The following HACD2 variants were observed in gnomAD, a reference collection of about 807,000 sequenced individuals.
The protein encoded by HACD2 is very-long-chain (3R)-3-hydroxyacyl-CoA dehydratase 2.
In HACD2, 15 loss-of-function variants were observed where a neutral mutation model predicts 31.0. That is an observed-to-expected ratio of 0.48 (90% CI 0.32 to 0.75). The LOEUF (loss-of-function observed/expected upper bound fraction) is 0.75, where lower values mean the gene tolerates loss of function less well. HACD2 is among the 30% of genes least tolerant of loss of function. The probability of loss-of-function intolerance (pLI) is 0.03; values close to 1 mark genes in which losing one functional copy is unlikely to be tolerated. For synonymous variants in HACD2, 115 were observed against 122.2 expected, an observed-to-expected ratio of 0.94 and a Z score of 0.39; for missense variants, 283 against 313.0, an observed-to-expected ratio of 0.90 and a Z score of 0.72.
At chr3:123,509,706 A>C (rs180852392) in intron 4 of HACD2, among the ~76,000 whole-genome samples, 2 of 151,918 alleles carry the variant, frequency 1.3e-5, no homozygotes, top group Non-Finnish European at 2.9e-5. Context: ...TCACCGTGTT[A>C]GCCAGGATGG....
chr3:123,499,626 C>G, intron 6 of HACD2: 1 of 456,424 alleles, frequency 2.2e-6, no homozygotes, highest in African/African-American at 2.0e-5. Flanking sequence ...GAAGTCCAAC[C>G]CTGTCTGATT....
intron 4 of HACD2, among the ~76,000 whole-genome samples, chr3:123,526,664 G>A (rs950936116): frequency 6.6e-6 from 1 of 152,112 alleles, no homozygotes; most frequent in African/African-American, 2.4e-5. Context: ...AAGCTCAAAT[G>A]TGATAATGTA....
At chr3:123,555,844 A>G (rs779834630) in intron 3 of HACD2, among the ~76,000 whole-genome samples, 1 of 152,214 alleles carries the variant, frequency 6.6e-6, no homozygotes, top group Non-Finnish European at 1.5e-5. Flanking sequence ...TAATCCTGGT[A>G]TTGGCAAAAT....
At position 123,528,379 on chromosome 3, in the gene HACD2, C is replaced by G. The variant is rs751190992; in HGVS notation, c.381+7G>C. The G allele has an allele frequency of 2.5e-5, 40 of 1,571,812 alleles. No individual in the cohort carries two copies. The Admixed American group carries it at 5.2e-4, about 20-fold the overall frequency. On this transcript the variant is annotated splice_region_variant and intron_variant, in intron 4 of 6. Coordinates refer to ENST00000383657, the MANE Select transcript of HACD2 (RefSeq NM_198402.5). ...TTGACATTATTTTGGTCTATATAAA[C>G]ACTTACCTCTTTGACGCTATGTGTT...
At position 123,494,944 on chromosome 3, in the gene HACD2, T is replaced by C; in HGVS notation, c.709A>G (p.Ile237Val). The C allele has an allele frequency of 6.4e-7, 1 of 1,559,604 alleles. No homozygotes were observed. The highest frequency in any genetic ancestry group is 8.7e-7 in the Non-Finnish European group (1 of 1,150,516). ...PIFPQLYFHMIHQRRKILSHT... is the reference protein window; with the variant it reads ...PIFPQLYFHMVHQRRKILSHT... ...GAAAGGATCTTTCTTCTCTGGTGTA[T>C]CATGTGGAAGTATAACTGGGGAAAA... The change falls in exon 7 of 7, where the codon ATA becomes GTA. Residue 237 changes from isoleucine (I) to valine (V), a missense_variant. Physicochemically the swap from Ile to Val is conservative, Grantham distance 29. Around this residue, in one of 3 missense-constraint regions of HACD2, gnomAD observed 40 missense variants for 35.1 expected, o/e 1.14. Transcript: ENST00000383657.
chr3:123,510,406 C>A lies in HACD2; in HGVS notation c.382-7725G>T, dbSNP rs551447427. ...GGGATTACAGCCACCCACCAACACG[C>A]CCAGCTAATTTTTATATTTTTAGTG... On this transcript the variant is annotated intron_variant, in intron 4 of 6. Coordinates refer to ENST00000383657, the MANE Select transcript of HACD2 (RefSeq NM_198402.5). Among the ~76,000 whole-genome samples, 8 of 152,250 alleles carry A rather than the reference C, an allele frequency of 5.3e-5. No homozygotes were observed. In the East Asian group the frequency reaches 1.5e-3, roughly 29 times the overall value.
chr3:123,524,040 T>G (rs1449740040), intron 4 of HACD2, among the ~76,000 whole-genome samples: 5 of 152,226 alleles, frequency 3.3e-5, no homozygotes, highest in Non-Finnish European at 7.3e-5. Context: ...TTAAGGGAAC[T>G]CTAAGGTTTT....
At chr3:123,545,894 A>G (rs1241381070) in intron 3 of HACD2, among the ~76,000 whole-genome samples, 1 of 151,876 alleles carries the variant, frequency 6.6e-6, no homozygotes, top group Non-Finnish European at 1.5e-5. Context: ...GTATTTTAGT[A>G]GAGATGGGGT....
chr3:123,548,046 A>T (rs2056580333), intron 3 of HACD2, among the ~76,000 whole-genome samples: 1 of 151,966 alleles, frequency 6.6e-6, no homozygotes, highest in Non-Finnish European at 1.5e-5. Context: ...ACCACCTTCA[A>T]CCTAGGAAGA....
intron 3 of HACD2, among the ~76,000 whole-genome samples, chr3:123,537,554 ACC>A (rs1339017742): frequency 6.7e-6 from 1 of 149,826 alleles, no homozygotes; most frequent in Non-Finnish European, 1.5e-5. Flanking sequence ...TGACAGTGAG[ACC>A]CTATCTCAAA....
intron 2 of HACD2, among the ~76,000 whole-genome samples, chr3:123,577,472 T>C (rs1441975140): frequency 6.6e-6 from 1 of 151,802 alleles, no homozygotes; most frequent in African/African-American, 2.4e-5. Context: ...ATACAAAAAA[T>C]TAGCCGGGTG....
At chr3:123,563,640 T>TAC (rs1427006931) in intron 3 of HACD2, among the ~76,000 whole-genome samples, 74 of 91,228 alleles carry the variant, frequency 8.1e-4, no homozygotes, top group South Asian at 1.6e-3. Flanking sequence ...CAAAAAAATA[T>TAC]ATATACACAC....
intron 3 of HACD2, among the ~76,000 whole-genome samples, chr3:123,551,922 C>T (rs1374431997): frequency 2.0e-5 from 3 of 152,112 alleles, no homozygotes; most frequent in African/African-American, 7.2e-5. Context: ...GTAACAAATA[C>T]AAGCATACAA....
In HACD2 at chr3:123,537,578, TACACATACACAC is replaced by T. The variant is rs1454805195; in HGVS notation, c.293-9116_293-9105del. ...GACCCTATCTCAAAACAACAACAAATACACATACACACACACACACACACACACACACGGTAA... is the reference window on the plus strand; with the variant it reads ...GACCCTATCTCAAAACAACAACAAATACACACACACACACACACACGGTAA... On this transcript the variant is annotated intron_variant, in intron 3 of 6. Coordinates refer to ENST00000383657, the MANE Select transcript of HACD2 (RefSeq NM_198402.5). 3.0e-4 allele frequency among the ~76,000 whole-genome samples: 44 copies of T among 144,304 alleles called. 1 individual carries two copies. Among genetic ancestry groups the T allele is most frequent in the African/African-American group, 8.9e-4 (33 of 36,936 alleles). The allele number at this position is 144,304 out of a possible 152,430, so 94.7% of individuals were successfully genotyped here.
At chr3:123,561,780 A>G (rs2056732118) in intron 3 of HACD2, among the ~76,000 whole-genome samples, 1 of 149,498 alleles carries the variant, frequency 6.7e-6, no homozygotes, top group African/African-American at 2.5e-5. Context: ...GTATTACGGA[A>G]AAAAAAAAAA....
At position 123,570,869 on chromosome 3, in the gene HACD2, G is replaced by C. The variant is rs185564142; in HGVS notation, c.274-3089C>G. ...ACTTTTAGGACAAAACAGAAGACGA[G>C]CTATCCCAAAATAAAATTTACATTT... On this transcript the variant is annotated intron_variant, in intron 2 of 6. Coordinates refer to ENST00000383657, the MANE Select transcript of HACD2 (RefSeq NM_198402.5). Among the ~76,000 whole-genome samples, 334 of 150,818 alleles carry C rather than the reference G, an allele frequency of 2.2e-3. 1 individual carries two copies. The highest frequency in any genetic ancestry group is 3.8e-3 in the Non-Finnish European group (259 of 67,940).
intron 3 of HACD2, among the ~76,000 whole-genome samples, chr3:123,531,921 A>C (rs145415886): frequency 6.6e-6 from 1 of 152,324 alleles, no homozygotes; most frequent in African/African-American, 2.4e-5. Context: ...AACACTCAAA[A>C]TTCGAGGCTT....
At chr3:123,566,474 G>C (rs2107746722) in intron 3 of HACD2, among the ~76,000 whole-genome samples, 1 of 151,918 alleles carries the variant, frequency 6.6e-6, no homozygotes, top group African/African-American at 2.4e-5. Flanking sequence ...TGTAGAGATG[G>C]GGTCTCCCTG....
At chr3:123,555,173 G>C (rs1178724882) in intron 3 of HACD2, among the ~76,000 whole-genome samples, 1 of 152,062 alleles carries the variant, frequency 6.6e-6, no homozygotes, top group African/African-American at 2.4e-5. Context: ...AACTGAGCTA[G>C]GAATAATTTT....
Sources: gnomAD v4.1 joint callset for allele counts (sites outside exome capture counted in the v4.1 genomes callset) on GRCh38, gnomAD v4.1.1 for gene constraint, gnomAD v4.1.1 regional missense constraint, MANE v1.5 for transcripts, NCBI Gene and HGNC (gene_info 2026-07-23, HGNC 2026-07-21) for gene names.